PTPRD: variants seen among roughly 807,000 people sequenced by gnomAD.
PTPRD encodes receptor-type tyrosine-protein phosphatase delta.
PTPRD carries 34 observed loss-of-function variants against 214.5 expected under a neutral mutation model. That is an observed-to-expected ratio of 0.16 (90% confidence interval 0.12 to 0.21). The LOEUF is 0.21. PTPRD is among the 10% of genes least tolerant of loss of function. The probability of loss-of-function intolerance (pLI) is 1.00; values close to 1 mark genes in which losing one functional copy is unlikely to be tolerated. For missense variants in PTPRD, 2,545 were observed against 2,398.7 expected, an observed-to-expected ratio of 1.06 and a Z score of -1.27; for synonymous variants, 1,128 against 845.7, an observed-to-expected ratio of 1.33 and a Z score of -5.79.
At chr9:9,637,966 T>C (rs77704461) in intron 7 of PTPRD, among the ~76,000 whole-genome samples, 2 of 152,282 alleles carry the variant, frequency 1.3e-5, no homozygotes, top group African/African-American at 4.8e-5. Context: ...AGGTTACAGC[T>C]CATGCCTTAG....
chr9:9,219,710 T>C (rs1024026886), intron 9 of PTPRD, among the ~76,000 whole-genome samples: 1 of 152,158 alleles, frequency 6.6e-6, no homozygotes, highest in African/African-American at 2.4e-5. Context: ...TGAGCACAAG[T>C]AAACCTTTGG....
chr9:10,087,536 G>C (rs2098364842), intron 3 of PTPRD, among the ~76,000 whole-genome samples: 2 of 151,532 alleles, frequency 1.3e-5, no homozygotes, highest in Admixed American at 6.6e-5. Context: ...AGTGTTCTCA[G>C]GCAGAGTGGG....
At chr9:8,986,476 AT>A (rs2099345816) in intron 11 of PTPRD, among the ~76,000 whole-genome samples, 1 of 151,456 alleles carries the variant, frequency 6.6e-6, no homozygotes. Flanking sequence ...TTTTTTTCTT[AT>A]TTTATATACC....
chr9:10,392,286 T>TTC (rs1341810191), intron 2 of PTPRD, among the ~76,000 whole-genome samples: 2 of 151,956 alleles, frequency 1.3e-5, no homozygotes, highest in Non-Finnish European at 2.9e-5. Context: ...GATTCTATGG[T>TTC]TAGGTGGCAT....
intron 5 of PTPRD, among the ~76,000 whole-genome samples, chr9:9,807,484 T>A (rs1271933032): frequency 6.6e-6 from 1 of 152,284 alleles, no homozygotes; most frequent in East Asian, 1.9e-4. Context: ...GCAATAGTAG[T>A]GTGAAGAGAT....
intron 5 of PTPRD, among the ~76,000 whole-genome samples, chr9:9,780,327 A>C (rs916139120): frequency 4.6e-5 from 7 of 152,218 alleles, no homozygotes; most frequent in African/African-American, 1.7e-4. Flanking sequence ...ACCTGAGTGC[A>C]ATATACCCAT....
At chr9:9,586,042 G>T (rs2154319657) in intron 7 of PTPRD, among the ~76,000 whole-genome samples, 1 of 152,134 alleles carries the variant, frequency 6.6e-6, no homozygotes, top group East Asian at 1.9e-4. Context: ...ACCTGAAAAT[G>T]TCCCCAACAT....
intron 8 of PTPRD, among the ~76,000 whole-genome samples, chr9:9,511,529 G>C (rs992144414): frequency 6.6e-6 from 1 of 151,664 alleles, no homozygotes; most frequent in Non-Finnish European, 1.5e-5. Flanking sequence ...ATCATTCTTT[G>C]AAGATCAAGC....
Position 9,897,155 on chromosome 9 carries a change from CA to C in PTPRD, c.-368+41351del, listed in dbSNP as rs1566095277. ...TTACACACACACACACACACACACA[CA>C]CACACCGCTGCTAAACACCCCCTGG... On this transcript the variant is annotated intron_variant, in intron 5 of 45. Coordinates refer to ENST00000381196, the MANE Select transcript of PTPRD (RefSeq NM_002839.4). Among the ~76,000 whole-genome samples, 8 of 151,846 alleles carry C rather than the reference CA, an allele frequency of 5.3e-5. No individual in the cohort carries two copies. The South Asian group carries it at 1.0e-3, about 20-fold the overall frequency.
At chr9:10,406,711 G>C (rs537113000) in intron 2 of PTPRD, among the ~76,000 whole-genome samples, 4 of 151,670 alleles carry the variant, frequency 2.6e-5, no homozygotes, top group African/African-American at 9.6e-5. Context: ...TTTCTCTAAA[G>C]GTGGTTTCAA....
chr9:8,531,296 T>C (rs1479391342), intron 14 of PTPRD, among the ~76,000 whole-genome samples: 1 of 152,098 alleles, frequency 6.6e-6, no homozygotes, highest in Non-Finnish European at 1.5e-5. Flanking sequence ...CTATTCCACA[T>C]GAATTTCATC....
At chr9:9,257,398 C>T (rs1002340381) in intron 9 of PTPRD, among the ~76,000 whole-genome samples, 1 of 151,832 alleles carries the variant, frequency 6.6e-6, no homozygotes, top group African/African-American at 2.4e-5. Flanking sequence ...CTTCCATGTC[C>T]CAACCCCAAG....
chr9:8,660,422 A>G (rs1445287509), intron 12 of PTPRD, among the ~76,000 whole-genome samples: 1 of 152,172 alleles, frequency 6.6e-6, no homozygotes, highest in Non-Finnish European at 1.5e-5. Flanking sequence ...ACTGGGTCAG[A>G]TGCATTCAAA....
intron 9 of PTPRD, among the ~76,000 whole-genome samples, chr9:9,253,850 C>T (rs1421762990): frequency 6.6e-6 from 1 of 152,060 alleles, no homozygotes; most frequent in Non-Finnish European, 1.5e-5. Context: ...TTCCAGAGGC[C>T]AGAAGTCTGA....
intron 10 of PTPRD, among the ~76,000 whole-genome samples, chr9:9,101,578 C>T (rs2099791417): frequency 6.6e-6 from 1 of 152,080 alleles, no homozygotes; most frequent in African/African-American, 2.4e-5. Flanking sequence ...AATAGGAAAA[C>T]TAATAAGAGA....
chr9:9,331,077 A>G (rs2136545491), intron 9 of PTPRD, among the ~76,000 whole-genome samples: 1 of 152,196 alleles, frequency 6.6e-6, no homozygotes. Context: ...GAAGACCTGC[A>G]GTTGGGCTGA....
At chr9:10,510,657 C>T (rs983745628) in intron 2 of PTPRD, among the ~76,000 whole-genome samples, 1 of 152,034 alleles carries the variant, frequency 6.6e-6, no homozygotes, top group African/African-American at 2.4e-5. Flanking sequence ...ATGATCTTAT[C>T]TGGGTAATGG....
At chr9:9,614,054 TAC>T (rs1294610961) in intron 7 of PTPRD, among the ~76,000 whole-genome samples, 1 of 152,102 alleles carries the variant, frequency 6.6e-6, no homozygotes, top group East Asian at 1.9e-4. Flanking sequence ...ATGTACTCAG[TAC>T]AGTGTCTGGC....
At chr9:9,158,053 C>T (rs1235204899) in intron 10 of PTPRD, among the ~76,000 whole-genome samples, 1 of 152,126 alleles carries the variant, frequency 6.6e-6, no homozygotes, top group Non-Finnish European at 1.5e-5. Flanking sequence ...TGATCTCGTT[C>T]CTTTTCATGG....
Sources: allele counts gnomAD v4.1 joint callset (sites outside exome capture counted in the v4.1 genomes callset), GRCh38; gene constraint gnomAD v4.1.1; transcripts MANE v1.5; gene names NCBI Gene and HGNC (gene_info 2026-07-23, HGNC 2026-07-21).